Variants in ADCY2 observed in about 807,000 individuals in gnomAD.
ADCY2 encodes the protein adenylate cyclase type 2.
A neutral mutation model predicts 125.2 loss-of-function variants in ADCY2; 31 were observed. The ratio of observed to expected loss-of-function variants is 0.25; its 90% confidence interval spans 0.19 to 0.33. The LOEUF is 0.33. Ranked by LOEUF, ADCY2 falls within the 10% of genes least tolerant of loss-of-function variation. The pLI, the probability that ADCY2 is intolerant of heterozygous loss-of-function variation, is 1.00. For synonymous variants in ADCY2, 512 were observed against 548.4 expected (o/e 0.93, Z 0.93); for missense variants, 904 against 1,418.2 (o/e 0.64, Z 5.82).
intron 20 of ADCY2, chr5:7,798,573 C>CTTTTTTTTT (rs150114974): frequency 8.7e-6 from 1 of 115,344 alleles, no homozygotes. Context: ...TTGACTATTT[C>CTTTTTTTTT]TTTTTTTTTT....
rs542813551 is a variant in ADCY2, at chr5:7,829,990, G to T, written c.*3119G>T. On this transcript the variant is annotated 3_prime_UTR_variant, in exon 25 of 25. Coordinates refer to ENST00000338316, the MANE Select transcript of ADCY2 (RefSeq NM_020546.3). The stretch of plus-strand genomic sequence containing the variant: ...AGCTACATGGGAGGCTGAGGTGGGA[G>T]GATCACTTGAGCCCAGGAAGTCCAG... 6.6e-6 allele frequency: 1 copy of T among 152,242 alleles called. No individual in the cohort carries two copies. Among genetic ancestry groups the T allele is most frequent in the East Asian group, 1.9e-4 (1 of 5,186 alleles). The allele number at this position is 152,242 out of a possible 1,614,324, so 9.4% of individuals were successfully genotyped here.
intron 3 of ADCY2, among the ~76,000 whole-genome samples, chr5:7,617,786 G>A (rs576273462): frequency 4.3e-4 from 66 of 152,322 alleles, no homozygotes; most frequent in African/African-American, 1.3e-3. Context: ...AAACCCAAGA[G>A]TACACTGTGG....
chr5:7,713,250 G>A (rs1741493613), intron 11 of ADCY2, among the ~76,000 whole-genome samples: 1 of 152,114 alleles, frequency 6.6e-6, no homozygotes, highest in African/African-American at 2.4e-5. Flanking sequence ...CAGCACTTTG[G>A]GAGGCTGAGG....
chr5:7,404,063 C>G (rs1366507503), intron 1 of ADCY2, among the ~76,000 whole-genome samples: 1 of 151,826 alleles, frequency 6.6e-6, no homozygotes, highest in African/African-American at 2.4e-5. Context: ...GTAAGATTGT[C>G]TAGTATTTCT....
intron 3 of ADCY2, among the ~76,000 whole-genome samples, chr5:7,604,259 T>C (rs1421901856): frequency 6.1e-5 from 1 of 16,306 alleles, no homozygotes; most frequent in African/African-American, 3.3e-4. Flanking sequence ...CTATTGTGAA[T>C]AGTGCCGCAA....
chr5:7,703,427 T>A lies in ADCY2; in HGVS notation c.1110-3317T>A, dbSNP rs191867322. Among the ~76,000 whole-genome samples, 1,243 of 152,338 alleles carry A rather than the reference T, an allele frequency of 8.2e-3. 8 individuals are homozygous for A. The highest frequency in any genetic ancestry group is 0.017 in the Middle Eastern group (5 of 294). On this transcript the variant is annotated intron_variant, in intron 7 of 24. Transcript: ENST00000338316. ...TAAGGTGTAAGGAAGGGATCCAGTT[T>A]CGGCTTTCTACATATAGCTAGCCAG... is the stretch of plus-strand genomic sequence containing the variant.
chr5:7,430,845 C>T (rs1740572521), intron 2 of ADCY2, among the ~76,000 whole-genome samples: 1 of 152,048 alleles, frequency 6.6e-6, no homozygotes. Flanking sequence ...AATTTCACTA[C>T]ACAGAAAACT....
At chr5:7,454,398 T>C (rs1166916464) in intron 2 of ADCY2, among the ~76,000 whole-genome samples, 1 of 152,248 alleles carries the variant, frequency 6.6e-6, no homozygotes, top group Non-Finnish European at 1.5e-5. Flanking sequence ...TTTATTGCAA[T>C]GGTGTGGAGC....
Position 7,407,082 on chromosome 5 carries a change from G to A in ADCY2, c.211-7491G>A, listed in dbSNP as rs953853693. 4.6e-5 allele frequency among the ~76,000 whole-genome samples: 7 copies of A among 152,168 alleles called. No individual in the cohort carries two copies. The South Asian group carries it at 6.2e-4, about 14-fold the overall frequency. The stretch of plus-strand genomic sequence containing the variant: ...TTCAACAATGGGTTATCTGAGGGTC[G>A]GATGAACTCCAACAGTGGTGGACGT... On this transcript the variant is annotated intron_variant, in intron 1 of 24. Transcript: ENST00000338316.
At chr5:7,472,965 G>A (rs1742393393) in intron 2 of ADCY2, among the ~76,000 whole-genome samples, 1 of 151,840 alleles carries the variant, frequency 6.6e-6, no homozygotes, top group South Asian at 2.1e-4. Flanking sequence ...ACTCAGACTT[G>A]CAAGCCCAAT....
chr5:7,705,200 A>C (rs1201770712), intron 7 of ADCY2, among the ~76,000 whole-genome samples: 1 of 152,198 alleles, frequency 6.6e-6, no homozygotes, highest in South Asian at 2.1e-4. Flanking sequence ...AGCACAGTAC[A>C]TTTTTCAAAA....
intron 3 of ADCY2, among the ~76,000 whole-genome samples, chr5:7,527,834 T>C (rs1042455572): frequency 6.6e-6 from 1 of 152,208 alleles, no homozygotes; most frequent in Non-Finnish European, 1.5e-5. Context: ...TATTGGAGTC[T>C]GGAATTAAAT....
chr5:7,813,929 G>A (rs561192788), intron 22 of ADCY2, among the ~76,000 whole-genome samples: 1 of 152,100 alleles, frequency 6.6e-6, no homozygotes, highest in African/African-American at 2.4e-5. Flanking sequence ...TTTGCTTGTT[G>A]ATTTAACAGC....
chr5:7,519,457 G>A (rs1170141181), intron 2 of ADCY2, among the ~76,000 whole-genome samples: 2 of 152,122 alleles, frequency 1.3e-5, no homozygotes, highest in African/African-American at 4.8e-5. Context: ...TTGGAGTCAA[G>A]AGCCGCATGG....
chr5:7,607,785 C>T (rs1429166521), intron 3 of ADCY2, among the ~76,000 whole-genome samples: 1 of 152,198 alleles, frequency 6.6e-6, no homozygotes, highest in Non-Finnish European at 1.5e-5. Flanking sequence ...GCAGAATTGG[C>T]TGTAACTTGT....
At chr5:7,795,931 A>C (rs897356001) in intron 20 of ADCY2, 1 of 152,238 alleles carries the variant, frequency 6.6e-6, no homozygotes, top group Non-Finnish European at 1.5e-5. Context: ...GATACACAAA[A>C]TGAGCACATG....
intron 20 of ADCY2, among the ~76,000 whole-genome samples, chr5:7,792,769 T>C (rs1744294487): frequency 6.6e-6 from 1 of 152,374 alleles, no homozygotes; most frequent in East Asian, 1.9e-4. Context: ...CAACATTGTC[T>C]GTTCCTGTGA....
intron 24 of ADCY2, among the ~76,000 whole-genome samples, chr5:7,821,381 TG>T (rs1579479130): frequency 6.6e-6 from 1 of 152,218 alleles, no homozygotes; most frequent in African/African-American, 2.4e-5. Flanking sequence ...ATTAGAACTA[TG>T]CTGAAACTAT....
chr5:7,672,662 G>A (rs1313188644), intron 4 of ADCY2, among the ~76,000 whole-genome samples: 2 of 152,116 alleles, frequency 1.3e-5, no homozygotes, highest in Admixed American at 1.3e-4. Context: ...ACCACTTCTG[G>A]CTGATGTTTT....
Sources: gnomAD v4.1 joint callset for allele counts (sites outside exome capture counted in the v4.1 genomes callset) on GRCh38, gnomAD v4.1.1 for gene constraint, MANE v1.5 for transcripts, NCBI Gene and HGNC (gene_info 2026-07-23, HGNC 2026-07-21) for gene names.